ATP6V1H: variants seen among roughly 807,000 people sequenced by gnomAD.
ATP6V1H encodes V-type proton ATPase subunit H.
A neutral mutation model predicts 71.7 loss-of-function variants in ATP6V1H; 39 were observed. The observed-to-expected ratio is 0.54, with a 90% CI of 0.42 to 0.71. ATP6V1H has a LOEUF of 0.71. Among genes scored for constraint, ATP6V1H ranks in the 30% least tolerant of loss-of-function variants. The pLI is 0.00. For missense variants in ATP6V1H, 509 were observed against 594.9 expected (o/e 0.86, Z 1.50); for synonymous variants, 192 against 199.3 (o/e 0.96, Z 0.31).
At chr8:53,825,899 A>G (rs1383118507) in intron 4 of ATP6V1H, among the ~76,000 whole-genome samples, 1 of 152,052 alleles carries the variant, frequency 6.6e-6, no homozygotes, top group Non-Finnish European at 1.5e-5. Flanking sequence ...TATAAATTAG[A>G]CTATATAAAA....
intron 4 of ATP6V1H, among the ~76,000 whole-genome samples, chr8:53,828,446 C>T (rs975538411): frequency 6.6e-6 from 1 of 152,148 alleles, no homozygotes; most frequent in Non-Finnish European, 1.5e-5. Flanking sequence ...TATGAGCAAC[C>T]ACGGTCCGCA....
chr8:53,780,158 CAAA>C (rs374742457), intron 9 of ATP6V1H, among the ~76,000 whole-genome samples: 11 of 62,534 alleles, frequency 1.8e-4, no homozygotes, highest in Admixed American at 1.8e-4. Context: ...GACTCCATCT[CAAA>C]AAAAAAAAAA....
At chr8:53,732,354 A>T (rs1454197571) in intron 13 of ATP6V1H, among the ~76,000 whole-genome samples, 1 of 152,244 alleles carries the variant, frequency 6.6e-6, no homozygotes, top group Non-Finnish European at 1.5e-5. Flanking sequence ...TCATCAAAAC[A>T]TCCAAAATTT....
At chr8:53,775,384 C>G (rs984369426) in intron 9 of ATP6V1H, among the ~76,000 whole-genome samples, 4 of 152,196 alleles carry the variant, frequency 2.6e-5, no homozygotes, top group Non-Finnish European at 5.9e-5. Flanking sequence ...AATGCTGGCT[C>G]GGGCAGCCTG....
intron 13 of ATP6V1H, among the ~76,000 whole-genome samples, chr8:53,731,920 G>A (rs571295568): frequency 2.6e-5 from 4 of 152,336 alleles, no homozygotes; most frequent in Non-Finnish European, 4.4e-5. Flanking sequence ...TCATCAGAGC[G>A]GTGCATGGCA....
intron 9 of ATP6V1H, among the ~76,000 whole-genome samples, chr8:53,785,384 T>C (rs2130378621): frequency 6.6e-6 from 1 of 152,364 alleles, no homozygotes; most frequent in East Asian, 1.9e-4. Flanking sequence ...GGTTTTCAGC[T>C]CCATCAGGTC....
chr8:53,739,599 A>AT (rs769210925), intron 13 of ATP6V1H: 8 of 152,366 alleles, frequency 5.3e-5, no homozygotes, highest in Non-Finnish European at 1.0e-4. Context: ...CCATATGCAC[A>AT]TATCGTTGCT....
At chr8:53,833,945 T>C (rs1023384671) in intron 2 of ATP6V1H, among the ~76,000 whole-genome samples, 3 of 152,054 alleles carry the variant, frequency 2.0e-5, no homozygotes, top group African/African-American at 7.2e-5. Context: ...TCTCTGGAGG[T>C]AGAAGAAACA....
chr8:53,740,468 CTTGCATTTTAATTATGTTAAAATAATTA>C, intron 13 of ATP6V1H, among the ~76,000 whole-genome samples: 1 of 152,300 alleles, frequency 6.6e-6, no homozygotes, highest in African/African-American at 2.4e-5. Context: ...TTCATCTGTG[CTTGCATTTTAATTATGTTAAAATAATTA>C]TTTCACTATG....
At chr8:53,821,176 C>A (rs1202866924) in intron 4 of ATP6V1H, among the ~76,000 whole-genome samples, 1 of 151,058 alleles carries the variant, frequency 6.6e-6, no homozygotes, top group Non-Finnish European at 1.5e-5. Context: ...TTTGAGACCA[C>A]CCTGACCAAC....
chr8:53,794,581 G>T (rs745889842), intron 9 of ATP6V1H, among the ~76,000 whole-genome samples: 2 of 152,120 alleles, frequency 1.3e-5, no homozygotes, highest in Non-Finnish European at 2.9e-5. Flanking sequence ...GGCCAGGATG[G>T]TCTCGATCTC....
chr8:53,742,496 G>A (rs1192685794), intron 13 of ATP6V1H, among the ~76,000 whole-genome samples: 1 of 152,046 alleles, frequency 6.6e-6, no homozygotes, highest in East Asian at 1.9e-4. Context: ...GCCTACTCAG[G>A]GAGGCTTTCT....
At chr8:53,743,027 T>C (rs574100672) in intron 13 of ATP6V1H, among the ~76,000 whole-genome samples, 55 of 152,362 alleles carry the variant, frequency 3.6e-4, no homozygotes, top group African/African-American at 1.3e-3. Context: ...TACTCTTTAA[T>C]TGATCTTGTT....
At chr8:53,739,477 T>C (rs1249155346) in intron 13 of ATP6V1H, 1 of 152,150 alleles carries the variant, frequency 6.6e-6, no homozygotes, top group South Asian at 2.1e-4. Flanking sequence ...TTATAACTTA[T>C]TATGCTGCTT....
At chr8:53,815,422 A>C (rs1247797465) in intron 5 of ATP6V1H, among the ~76,000 whole-genome samples, 3 of 152,232 alleles carry the variant, frequency 2.0e-5, no homozygotes, top group Admixed American at 1.3e-4. Flanking sequence ...ACTCCAAATC[A>C]TTCAGCAATA....
At chr8:53,837,095 C>A (rs976550512) in intron 2 of ATP6V1H, among the ~76,000 whole-genome samples, 1 of 151,404 alleles carries the variant, frequency 6.6e-6, no homozygotes, top group East Asian at 1.9e-4. Flanking sequence ...GAGCCAAGAA[C>A]GCACCATTGC....
chr8:53,821,079 A>AG (rs947456933), intron 4 of ATP6V1H, among the ~76,000 whole-genome samples: 5 of 135,708 alleles, frequency 3.7e-5, no homozygotes, highest in African/African-American at 1.5e-4. Flanking sequence ...AAAAAAAAAA[A>AG]AGAGAGAGAG....
chr8:53,789,497 T>G (rs943134794), intron 9 of ATP6V1H, among the ~76,000 whole-genome samples: 12 of 151,954 alleles, frequency 7.9e-5, no homozygotes, highest in Non-Finnish European at 1.3e-4. Context: ...AGAAAAAAAA[T>G]TATTAATACC....
intron 12 of ATP6V1H, among the ~76,000 whole-genome samples, chr8:53,752,743 G>C (rs1273650712): frequency 6.6e-6 from 1 of 152,064 alleles, no homozygotes. Flanking sequence ...TAGAGACGGG[G>C]TTTCACCATG....
Sources: gnomAD v4.1 joint callset for allele counts (sites outside exome capture counted in the v4.1 genomes callset) on GRCh38, gnomAD v4.1.1 for gene constraint, MANE v1.5 for transcripts, NCBI Gene and HGNC (gene_info 2026-07-23, HGNC 2026-07-21) for gene names.